SV2C: variants seen among roughly 807,000 people sequenced by gnomAD.
SV2C encodes the protein synaptic vesicle glycoprotein 2C.
In SV2C, 49 loss-of-function variants were observed where a neutral mutation model predicts 79.7. That is an observed-to-expected ratio of 0.61 (90% CI 0.49 to 0.78). The LOEUF (loss-of-function observed/expected upper bound fraction) is 0.78, where lower values mean the gene tolerates loss of function less well. Ranked by LOEUF, SV2C falls within the 30% of genes least tolerant of loss-of-function variation. The pLI, the probability that SV2C is intolerant of heterozygous loss-of-function variation, is 0.00. For missense variants in SV2C, 833 were observed against 912.9 expected (o/e 0.91, Z 1.13); for synonymous variants, 334 against 333.2 (o/e 1.00, Z -0.03).
the SV2C span, among the ~76,000 whole-genome samples, chr5:76,004,668 C>T: frequency 5.9e-5 from 9 of 152,232 alleles, no homozygotes; most frequent in South Asian, 1.2e-3. Context: ...AGACATTGGC[C>T]TCCTGAGTGC....
chr5:76,008,395 A>G, the SV2C span, among the ~76,000 whole-genome samples: 1 of 152,162 alleles, frequency 6.6e-6, no homozygotes, highest in Non-Finnish European at 1.5e-5. Flanking sequence ...TTTCACCTAT[A>G]TCCACAGAGA....
intron 12 of SV2C, among the ~76,000 whole-genome samples, chr5:76,303,768 A>G (rs1248950223): frequency 1.3e-5 from 2 of 152,238 alleles, no homozygotes; most frequent in African/African-American, 4.8e-5. Context: ...GCTTATTTGT[A>G]TTAATTCAGG....
chr5:76,157,077 C>T (rs940283527), intron 2 of SV2C, among the ~76,000 whole-genome samples: 5 of 151,918 alleles, frequency 3.3e-5, no homozygotes, highest in Admixed American at 2.6e-4. Flanking sequence ...GCTCAAAAAA[C>T]TCCAAGGAAG....
At chr5:76,113,058 A>G (rs1197873040) in intron 1 of SV2C, among the ~76,000 whole-genome samples, 1 of 152,230 alleles carries the variant, frequency 6.6e-6, no homozygotes, top group Admixed American at 6.5e-5. Context: ...TAGCACAAGT[A>G]TAAGTTTGCA....
chr5:76,037,412 A>C, the SV2C span, among the ~76,000 whole-genome samples: 9 of 152,140 alleles, frequency 5.9e-5, no homozygotes, highest in Non-Finnish European at 2.9e-5. Context: ...GGTGATGTAC[A>C]GATGGATTTT....
At chr5:76,078,297 G>C in the SV2C span, among the ~76,000 whole-genome samples, 1 of 152,210 alleles carries the variant, frequency 6.6e-6, no homozygotes, top group Admixed American at 6.5e-5. Context: ...CATGAGAATA[G>C]AAAGGTGAAG....
rs1214836142 is a variant in SV2C, at chr5:76,294,125, C to T, written c.1338-1653C>T. 2.6e-5 allele frequency among the ~76,000 whole-genome samples: 4 copies of T among 152,058 alleles called. No individual in the cohort carries two copies. The East Asian group carries it at 5.8e-4, about 22-fold the overall frequency. Reference sequence around the variant, plus strand: ...GTGGGGGATGATGATCCTGCTGGTCCGGGGACCTTATCTTATCTTAGGAGG... The same window carrying T: ...GTGGGGGATGATGATCCTGCTGGTCTGGGGACCTTATCTTATCTTAGGAGG... On this transcript the variant is annotated intron_variant, in intron 8 of 12. Coordinates refer to ENST00000502798, the MANE Select transcript of SV2C (RefSeq NM_014979.4).
At chr5:76,038,153 A>C in the SV2C span, among the ~76,000 whole-genome samples, 1 of 152,204 alleles carries the variant, frequency 6.6e-6, no homozygotes, top group Non-Finnish European at 1.5e-5. Context: ...GGCACTCCCT[A>C]GTGAGATGAA....
chr5:75,865,339 C>T, the SV2C span, among the ~76,000 whole-genome samples: 1 of 152,282 alleles, frequency 6.6e-6, no homozygotes, highest in African/African-American at 2.4e-5. Context: ...TGTGGTCCTT[C>T]TTGGGTGCAT....
intron 1 of SV2C, chr5:76,084,144 G>A: frequency 6.6e-6 from 1 of 152,340 alleles, no homozygotes; most frequent in East Asian, 1.9e-4. Context: ...GAGAGCAGGG[G>A]AGCCCGCGGG....
chr5:75,852,743 G>T, the SV2C span, among the ~76,000 whole-genome samples: 1 of 149,390 alleles, frequency 6.7e-6, no homozygotes, highest in African/African-American at 2.5e-5. Context: ...GGAGAATGGC[G>T]TGAACCCAGG....
chr5:76,250,613 C>T (rs978984489), intron 4 of SV2C, among the ~76,000 whole-genome samples: 9 of 152,192 alleles, frequency 5.9e-5, no homozygotes, highest in African/African-American at 1.9e-4. Context: ...TTGGGGTTCA[C>T]CCCTGCCCCA....
the SV2C span, among the ~76,000 whole-genome samples, chr5:75,902,179 G>T: frequency 2.6e-5 from 4 of 152,212 alleles, no homozygotes; most frequent in Non-Finnish European, 4.4e-5. Flanking sequence ...CGTCTTCTTT[G>T]TCGCTCACGC....
At chr5:76,268,100 C>G (rs1746723522) in intron 4 of SV2C, among the ~76,000 whole-genome samples, 2 of 152,110 alleles carry the variant, frequency 1.3e-5, no homozygotes, top group African/African-American at 4.8e-5. Flanking sequence ...TGGGGAGCCC[C>G]TGGTTGGAAA....
At chr5:75,914,699 TTATAA>T in the SV2C span, among the ~76,000 whole-genome samples, 2 of 152,246 alleles carry the variant, frequency 1.3e-5, no homozygotes, top group Admixed American at 6.5e-5. Context: ...TGGGTACATA[TTATAA>T]TATAAAATTG....
At chr5:76,285,631 C>A in intron 5 of SV2C, 150 bp from the exon 6 acceptor site, 1 of 653,318 alleles carries the variant, frequency 1.5e-6, no homozygotes, top group Non-Finnish European at 2.7e-6. Flanking sequence ...TCAGTGATAT[C>A]CAAATAGTCT....
At chr5:76,137,559 C>G (rs1290254530) in intron 2 of SV2C, among the ~76,000 whole-genome samples, 2 of 152,046 alleles carry the variant, frequency 1.3e-5, no homozygotes, top group Non-Finnish European at 2.9e-5. Flanking sequence ...GAGAACACAG[C>G]TAAACAGGAG....
At chr5:75,884,243 T>G in the SV2C span, among the ~76,000 whole-genome samples, 7 of 152,108 alleles carry the variant, frequency 4.6e-5, no homozygotes, top group Non-Finnish European at 8.8e-5. Context: ...GCAGTAACAC[T>G]CATAAATGCT....
At chr5:76,259,576 T>C (rs918680282) in intron 4 of SV2C, among the ~76,000 whole-genome samples, 1 of 152,146 alleles carries the variant, frequency 6.6e-6, no homozygotes, top group Admixed American at 6.6e-5. Flanking sequence ...ATTAGGTATT[T>C]GTCCTAATGC....
Sources: allele counts gnomAD v4.1 joint callset (sites outside exome capture counted in the v4.1 genomes callset), GRCh38; gene constraint gnomAD v4.1.1; transcripts MANE v1.5; gene names NCBI Gene and HGNC (gene_info 2026-07-23, HGNC 2026-07-21).